Variants in EPHA3 observed in about 807,000 individuals in gnomAD.
EPHA3 encodes EPH receptor A3.
Under a neutral mutation model 107.1 loss-of-function variants are expected in EPHA3, and 42 were observed. The ratio of observed to expected loss-of-function variants is 0.39; its 90% CI spans 0.31 to 0.51. The LOEUF (loss-of-function observed/expected upper bound fraction) is 0.51. Among genes scored for constraint, EPHA3 ranks in the 20% least tolerant of loss-of-function variants. The probability of loss-of-function intolerance (pLI) is 0.78; values close to 1 mark genes in which losing one functional copy is unlikely to be tolerated. For synonymous variants in EPHA3, 461 were observed against 424.8 expected (o/e 1.09, Z -1.05); for missense variants, 1,183 against 1,211.2 (o/e 0.98, Z 0.35).
In EPHA3 at chr3:89,480,604, A is replaced by AG. The variant is rs1710604079; in HGVS notation, c.*1104dup. The AG allele has an allele frequency of 4.3e-6, 1 of 230,094 alleles. No homozygotes were observed. Among genetic ancestry groups the AG allele is most frequent in the Non-Finnish European group, 8.6e-6 (1 of 116,356 alleles). The allele number at this position is 230,094 out of a possible 1,614,324, so 14.3% of individuals were successfully genotyped here. ...TGCACTAATTGACAACACAGCCTATAGGCCAATGCATGAGTAAAAAAAAAA... is the reference window on the plus strand; with the variant it reads ...TGCACTAATTGACAACACAGCCTATAGGGCCAATGCATGAGTAAAAAAAAAA... On this transcript the variant is annotated 3_prime_UTR_variant, in exon 17 of 17. Coordinates refer to ENST00000336596, the MANE Select transcript of EPHA3 (RefSeq NM_005233.6).
intron 5 of EPHA3, among the ~76,000 whole-genome samples, chr3:89,366,240 C>A (rs1001084789): frequency 2.0e-5 from 3 of 150,372 alleles, no homozygotes; most frequent in Admixed American, 6.7e-5. Flanking sequence ...GTTCCAGAAC[C>A]AACTCAGCAT....
At chr3:89,269,138 T>C (rs1705603525) in intron 3 of EPHA3, among the ~76,000 whole-genome samples, 1 of 152,168 alleles carries the variant, frequency 6.6e-6, no homozygotes, top group South Asian at 2.1e-4. Flanking sequence ...ATGTATATCA[T>C]GTGCAAGACC....
chr3:89,130,626 C>T (rs959522051), intron 2 of EPHA3, among the ~76,000 whole-genome samples: 1 of 149,370 alleles, frequency 6.7e-6, no homozygotes, highest in African/African-American at 2.4e-5. Flanking sequence ...ATTTCTATCT[C>T]CTTTTTTTTT....
At chr3:89,156,329 T>C (rs1704806081) in intron 2 of EPHA3, among the ~76,000 whole-genome samples, 2 of 152,092 alleles carry the variant, frequency 1.3e-5, no homozygotes, top group Admixed American at 6.6e-5. Context: ...GACTTCCTTA[T>C]ACTAAACAAG....
chr3:89,253,555 G>A (rs1172170780), intron 3 of EPHA3, among the ~76,000 whole-genome samples: 1 of 152,108 alleles, frequency 6.6e-6, no homozygotes, highest in Non-Finnish European at 1.5e-5. Context: ...TTATTAGAAA[G>A]AAATATCCAC....
chr3:89,155,878 A>T (rs1301673168), intron 2 of EPHA3, among the ~76,000 whole-genome samples: 4 of 152,052 alleles, frequency 2.6e-5, no homozygotes, highest in Admixed American at 1.3e-4. Flanking sequence ...GTTGGGAACC[A>T]AGTCGTACTG....
chr3:89,111,953 A>C (rs771215221), intron 1 of EPHA3, among the ~76,000 whole-genome samples: 1 of 152,106 alleles, frequency 6.6e-6, no homozygotes, highest in African/African-American at 2.4e-5. Context: ...TTTCACTGTA[A>C]CTATCAATAT....
intron 1 of EPHA3, among the ~76,000 whole-genome samples, chr3:89,113,418 G>A (rs1398253086): frequency 2.3e-5 from 3 of 128,672 alleles, no homozygotes. Context: ...AACCTGGCAG[G>A]AGGTTTTCTC....
chr3:89,112,053 C>G lies in EPHA3; in HGVS notation c.88+4217C>G, dbSNP rs1707121882. ...GGTTAAAAGTTAGTTGGATATACTT[C>G]TAATTCAGAAGTGACTGGACTTATA... On this transcript the variant is annotated intron_variant, in intron 1 of 16. Coordinates refer to ENST00000336596, the MANE Select transcript of EPHA3 (RefSeq NM_005233.6). Among the ~76,000 whole-genome samples the G allele has an allele frequency of 2.0e-5, 3 of 152,038 alleles. No homozygotes were observed. In the South Asian group the frequency reaches 6.2e-4, roughly 32 times the overall value.
chr3:89,324,777 G>T (rs1401646570), intron 3 of EPHA3, among the ~76,000 whole-genome samples: 1 of 152,026 alleles, frequency 6.6e-6, no homozygotes, highest in African/African-American at 2.4e-5. Context: ...GTGATGCTGA[G>T]ATTTCGGATA....
intron 15 of EPHA3, among the ~76,000 whole-genome samples, chr3:89,457,808 C>T (rs7626735): frequency 6.6e-6 from 1 of 152,052 alleles, no homozygotes; most frequent in Admixed American, 6.6e-5. Flanking sequence ...GAGAATTAAG[C>T]TTTCAATAGT....
chr3:89,309,876 C>T (rs1007149803), intron 3 of EPHA3, among the ~76,000 whole-genome samples: 2 of 151,630 alleles, frequency 1.3e-5, no homozygotes, highest in Non-Finnish European at 2.9e-5. Flanking sequence ...TGCCACCCCC[C>T]ACCCCCCACA....
In EPHA3 at chr3:89,399,456, T is replaced by A. The variant is rs2107508594; in HGVS notation, c.1570T>A (p.Phe524Ile). The A allele has an allele frequency of 6.2e-7, 1 of 1,614,070 alleles. No homozygotes were observed. Among genetic ancestry groups the A allele is most frequent in the Admixed American group, 1.7e-5 (1 of 60,006 alleles). The change falls in exon 7 of 17, where the codon TTT (phenylalanine) becomes ATT (isoleucine). Residue 524 changes from phenylalanine to isoleucine, a missense_variant. Phe to Ile is a conservative substitution (Grantham distance 21). Coordinates refer to ENST00000336596, the MANE Select transcript of EPHA3 (RefSeq NM_005233.6). ...TGGATATGGGACGAACAGCCGCAAG[T>A]TTGAGTTTGAAACTAGTCCAGACTG... ...AAGYGTNSRK[F>I]EFETSPDSFS...
chr3:89,231,714 C>T (rs1704639640), intron 3 of EPHA3, among the ~76,000 whole-genome samples: 1 of 152,048 alleles, frequency 6.6e-6, no homozygotes, highest in Non-Finnish European at 1.5e-5. Flanking sequence ...CTTTCCCCAC[C>T]CATTATAAAG....
At chr3:89,438,095 G>GT (rs1363995081) in intron 13 of EPHA3, among the ~76,000 whole-genome samples, 1 of 151,494 alleles carries the variant, frequency 6.6e-6, no homozygotes, top group Non-Finnish European at 1.5e-5. Context: ...TTTCATTTTT[G>GT]TTTTTTTGTT....
At chr3:89,429,691 C>CTAT (rs1559693172) in intron 12 of EPHA3, among the ~76,000 whole-genome samples, 5 of 145,922 alleles carry the variant, frequency 3.4e-5, no homozygotes, top group African/African-American at 1.2e-4. Context: ...ATACGTTTAT[C>CTAT]TATCATCTAT....
intron 3 of EPHA3, among the ~76,000 whole-genome samples, chr3:89,287,443 G>A (rs1179075697): frequency 6.6e-6 from 1 of 152,052 alleles, no homozygotes; most frequent in Admixed American, 6.6e-5. Flanking sequence ...TGATAATGAT[G>A]GGGTCAATAA....
chr3:89,248,266 C>G (rs1705081728), intron 3 of EPHA3, among the ~76,000 whole-genome samples: 1 of 152,128 alleles, frequency 6.6e-6, no homozygotes, highest in Non-Finnish European at 1.5e-5. Flanking sequence ...CGTTACCAGA[C>G]AGATGATGAT....
At chr3:89,144,353 G>A (rs1426839692) in intron 2 of EPHA3, among the ~76,000 whole-genome samples, 1 of 151,590 alleles carries the variant, frequency 6.6e-6, no homozygotes, top group African/African-American at 2.4e-5. Context: ...TTTCACATAT[G>A]ATGCTGTTTT....
Sources: allele counts gnomAD v4.1 joint callset (sites outside exome capture counted in the v4.1 genomes callset), GRCh38; gene constraint gnomAD v4.1.1; transcripts MANE v1.5; gene names NCBI Gene and HGNC (gene_info 2026-07-23, HGNC 2026-07-21).